COBL: variants seen among roughly 807,000 people sequenced by gnomAD.
COBL encodes cordon-bleu WH2 repeat protein.
Under a neutral mutation model 98.8 loss-of-function variants are expected in COBL, and 51 were observed. That is an observed-to-expected ratio of 0.52 (90% confidence interval 0.41 to 0.65). The LOEUF (loss-of-function observed/expected upper bound fraction) is 0.65, where lower values mean the gene tolerates loss of function less well. Ranked by LOEUF, COBL falls within the 30% of genes least tolerant of loss-of-function variation. The pLI is 0.00. For missense variants in COBL, 1,617 were observed against 1,617.5 expected, an observed-to-expected ratio of 1.00 and a Z score of 0.01; for synonymous variants, 634 against 651.7, an observed-to-expected ratio of 0.97 and a Z score of 0.41.
At chr7:51,166,645 A>G (rs1787343866) in intron 5 of COBL, among the ~76,000 whole-genome samples, 1 of 152,158 alleles carries the variant, frequency 6.6e-6, no homozygotes, top group South Asian at 2.1e-4. Flanking sequence ...ACAATGACAC[A>G]TCAACAAAAG....
chr7:51,039,239 C>T (rs1456710180), intron 8 of COBL, among the ~76,000 whole-genome samples: 1 of 152,242 alleles, frequency 6.6e-6, no homozygotes, highest in Non-Finnish European at 1.5e-5. Context: ...CCGCCAGAGT[C>T]TGAACATGGA....
intron 9 of COBL, among the ~76,000 whole-genome samples, chr7:51,030,283 G>C (rs944208028): frequency 2.0e-5 from 3 of 152,174 alleles, no homozygotes; most frequent in South Asian, 2.1e-4. Context: ...TAACATAGCT[G>C]CTTTGTTTGA....
intron 12 of COBL, among the ~76,000 whole-genome samples, chr7:51,020,605 A>G (rs918761111): frequency 3.9e-5 from 6 of 152,248 alleles, no homozygotes; most frequent in South Asian, 2.1e-4. Flanking sequence ...TCAGACGCAT[A>G]CAGCTTTGCC....
At chr7:51,307,863 C>T (rs1275748543) in intron 1 of COBL, among the ~76,000 whole-genome samples, 2 of 152,204 alleles carry the variant, frequency 1.3e-5, no homozygotes, top group African/African-American at 4.8e-5. Context: ...CCCCAATTCC[C>T]ACTTTTTAAA....
chr7:51,195,591 T>C (rs1271892648), intron 2 of COBL, among the ~76,000 whole-genome samples: 2 of 152,240 alleles, frequency 1.3e-5, no homozygotes, highest in African/African-American at 2.4e-5. Context: ...ATTAAATCTA[T>C]AAATTGCTTT....
intron 1 of COBL, among the ~76,000 whole-genome samples, chr7:51,283,476 T>C (rs1267613289): frequency 2.0e-5 from 3 of 152,126 alleles, no homozygotes; most frequent in Non-Finnish European, 4.4e-5. Flanking sequence ...TTTGAATCTG[T>C]AGTTTTTGTT....
rs551768231 is a variant in COBL, at chr7:51,098,224, C to CTTTTTTTTTTTTTTTTT, written c.958-12921_958-12920insAAAAAAAAAAAAAAAAA. Among the ~76,000 whole-genome samples the CTTTTTTTTTTTTTTTTT allele has an allele frequency of 8.5e-4, 86 of 100,784 alleles. 12 individuals carry two copies. Among genetic ancestry groups the CTTTTTTTTTTTTTTTTT allele is most frequent in the African/African-American group, 3.1e-3 (70 of 22,294 alleles). 66.1% of individuals were successfully genotyped at this position (100,784 alleles called of 152,430 possible). On this transcript the variant is annotated intron_variant, in intron 6 of 12. Transcript: ENST00000265136. ...ACTACCAAAATCCCAATAGCAGTTT[C>CTTTTTTTTTTTTTTTTT]TTTTTTTTTTTTGGAGAAATAGGAA... is the stretch of plus-strand genomic sequence containing the variant.
At chr7:51,216,604 A>C (rs578251912) in intron 2 of COBL, among the ~76,000 whole-genome samples, 3 of 152,228 alleles carry the variant, frequency 2.0e-5, no homozygotes, top group Admixed American at 2.0e-4. Context: ...TCAGAGCACC[A>C]ATTCTCATGT....
intron 5 of COBL, among the ~76,000 whole-genome samples, chr7:51,177,133 T>C (rs925550318): frequency 7.2e-5 from 11 of 152,174 alleles, no homozygotes; most frequent in East Asian, 3.9e-4. Flanking sequence ...TTCTGGGGTA[T>C]AGACAAGTGG....
At chr7:51,107,184 T>C (rs1330708487) in intron 6 of COBL, among the ~76,000 whole-genome samples, 1 of 137,352 alleles carries the variant, frequency 7.3e-6, no homozygotes, top group Admixed American at 8.0e-5. Flanking sequence ...AACCTCCACC[T>C]CCCAGGTTCA....
intron 6 of COBL, among the ~76,000 whole-genome samples, chr7:51,097,469 G>C (rs549504375): frequency 6.6e-6 from 1 of 152,180 alleles, no homozygotes; most frequent in East Asian, 1.9e-4. Flanking sequence ...GCAAGAAAAA[G>C]AAATATAAGG....
At chr7:51,227,231 T>C (rs189260171) in intron 1 of COBL, among the ~76,000 whole-genome samples, 155 of 152,230 alleles carry the variant, frequency 1.0e-3, no homozygotes, top group African/African-American at 3.6e-3. Context: ...CAAGCCTTAT[T>C]TGCAAACTGA....
chr7:51,150,138 C>A (rs1056128704), intron 5 of COBL, among the ~76,000 whole-genome samples: 1 of 152,274 alleles, frequency 6.6e-6, no homozygotes, highest in African/African-American at 2.4e-5. Flanking sequence ...AGGAGCCGAG[C>A]CCCTCTGAGC....
intron 1 of COBL, among the ~76,000 whole-genome samples, chr7:51,306,282 G>A (rs1802466135): frequency 6.6e-6 from 1 of 152,218 alleles, no homozygotes; most frequent in South Asian, 2.1e-4. Flanking sequence ...AGCACACCCA[G>A]GCCAACAGGG....
At chr7:51,268,125 C>T (rs912262721) in intron 1 of COBL, among the ~76,000 whole-genome samples, 1 of 152,118 alleles carries the variant, frequency 6.6e-6, no homozygotes, top group East Asian at 1.9e-4. Context: ...CTCAGTTCCA[C>T]GTGCCGTCTG....
chr7:51,316,785 G>T lies in COBL; in HGVS notation c.-152C>A. ...CGGAGGACAGCGGCGGAGCGCGGCG[G>T]ACGGAAGGGGCTGGAATCGTCTCTA... is the stretch of plus-strand genomic sequence containing the variant. On this transcript the variant is annotated 5_prime_UTR_variant, in exon 1 of 13. Coordinates refer to ENST00000265136, the MANE Select transcript of COBL (RefSeq NM_015198.5). 1.8e-6 allele frequency: 1 copy of T among 542,240 alleles called. No individual in the cohort carries two copies. Among genetic ancestry groups the T allele is most frequent in the East Asian group, 4.2e-5 (1 of 24,016 alleles). 33.6% of individuals were successfully genotyped at this position (542,240 alleles called of 1,614,324 possible).
intron 1 of COBL, among the ~76,000 whole-genome samples, chr7:51,312,458 T>C (rs1297527507): frequency 6.6e-6 from 1 of 152,238 alleles, no homozygotes; most frequent in African/African-American, 2.4e-5. Flanking sequence ...ACTACTTTGG[T>C]ATCAAATATT....
chr7:51,074,282 A>G (rs773643119), intron 7 of COBL, among the ~76,000 whole-genome samples: 3 of 140,186 alleles, frequency 2.1e-5, no homozygotes, highest in Non-Finnish European at 4.5e-5. Context: ...TGCAACCTCC[A>G]ACTCCCTGAT....
At chr7:51,199,092 A>G (rs1198075735) in intron 2 of COBL, among the ~76,000 whole-genome samples, 1 of 152,166 alleles carries the variant, frequency 6.6e-6, no homozygotes, top group Non-Finnish European at 1.5e-5. Context: ...TATCCCCCCA[A>G]TAACATGCTC....
Sources: gnomAD v4.1 joint callset for allele counts (sites outside exome capture counted in the v4.1 genomes callset) on GRCh38, gnomAD v4.1.1 for gene constraint, MANE v1.5 for transcripts, NCBI Gene and HGNC (gene_info 2026-07-23, HGNC 2026-07-21) for gene names.